CADM2: variants seen among roughly 807,000 people sequenced by gnomAD.
CADM2 encodes the protein immunoglobulin superfamily member 4D.
In CADM2, 12 loss-of-function variants were observed where a neutral mutation model predicts 49.8. The ratio of observed to expected loss-of-function variants is 0.24; its 90% CI spans 0.15 to 0.39. CADM2 has a LOEUF of 0.39. CADM2 is among the 10% of genes least tolerant of loss of function. The probability of loss-of-function intolerance (pLI) is 1.00; values close to 1 mark genes in which losing one functional copy is unlikely to be tolerated. For synonymous variants in CADM2, 214 were observed against 175.4 expected, an observed-to-expected ratio of 1.22 and a Z score of -1.74; for missense variants, 378 against 492.3, an observed-to-expected ratio of 0.77 and a Z score of 2.20.
intron 3 of CADM2, among the ~76,000 whole-genome samples, chr3:85,814,508 A>C (rs1577377857): frequency 6.6e-6 from 1 of 152,154 alleles, no homozygotes; most frequent in Non-Finnish European, 1.5e-5. Flanking sequence ...GAAGACAAAA[A>C]AGAACTAAGA....
At chr3:85,180,508 C>G (rs78779392) in intron 1 of CADM2, among the ~76,000 whole-genome samples, 858 of 36,694 alleles carry the variant, frequency 0.023, 12 homozygotes, top group African/African-American at 0.09. Context: ...GACCCTGTCT[C>G]AAAAAGAAAA....
chr3:85,425,057 G>A (rs538207232), intron 1 of CADM2, among the ~76,000 whole-genome samples: 2 of 152,162 alleles, frequency 1.3e-5, no homozygotes, highest in East Asian at 1.9e-4. Flanking sequence ...CTCCAAATAA[G>A]AGAAATACAT....
At chr3:85,860,850 G>A (rs1053980657) in intron 3 of CADM2, among the ~76,000 whole-genome samples, 3 of 152,094 alleles carry the variant, frequency 2.0e-5, no homozygotes, top group African/African-American at 7.2e-5. Context: ...TGAGAAAGCC[G>A]ATTTTGTGGA....
At chr3:85,380,457 T>C (rs2033839201) in intron 1 of CADM2, among the ~76,000 whole-genome samples, 1 of 152,000 alleles carries the variant, frequency 6.6e-6, no homozygotes, top group African/African-American at 2.4e-5. Flanking sequence ...ATACATATTA[T>C]ATGAAGCTAT....
intron 8 of CADM2, among the ~76,000 whole-genome samples, chr3:86,051,663 G>A (rs1354360871): frequency 6.6e-6 from 1 of 152,144 alleles, no homozygotes; most frequent in East Asian, 1.9e-4. Flanking sequence ...CTTCTGCAGG[G>A]GAGGAAGCCC....
intron 1 of CADM2, among the ~76,000 whole-genome samples, chr3:85,142,704 G>T (rs1002209570): frequency 2.0e-5 from 3 of 152,136 alleles, no homozygotes; most frequent in African/African-American, 7.2e-5. Flanking sequence ...GTAAAATGAA[G>T]AATCATAAGC....
At chr3:85,060,206 C>T (rs2036252251) in intron 1 of CADM2, among the ~76,000 whole-genome samples, 1 of 152,168 alleles carries the variant, frequency 6.6e-6, no homozygotes, top group African/African-American at 2.4e-5. Flanking sequence ...TTTTGGCTCA[C>T]TGCAACCTCT....
chr3:85,581,335 T>A (rs1440731870), intron 1 of CADM2, among the ~76,000 whole-genome samples: 2 of 151,578 alleles, frequency 1.3e-5, no homozygotes, highest in South Asian at 4.1e-4. Flanking sequence ...CATTGAGACC[T>A]ACGGGAATAA....
chr3:85,798,812 T>G (rs766662151), intron 2 of CADM2, among the ~76,000 whole-genome samples: 1 of 152,156 alleles, frequency 6.6e-6, no homozygotes, highest in Non-Finnish European at 1.5e-5. Flanking sequence ...GTGAAGCAAG[T>G]CAATGGTAGC....
intron 1 of CADM2, among the ~76,000 whole-genome samples, chr3:84,987,626 G>A (rs923065890): frequency 6.6e-6 from 1 of 152,092 alleles, no homozygotes; most frequent in African/African-American, 2.4e-5. Flanking sequence ...CCTTCAGTCA[G>A]TGGAGTGAAC....
At chr3:85,259,658 G>C (rs1260200743) in intron 1 of CADM2, among the ~76,000 whole-genome samples, 2 of 152,102 alleles carry the variant, frequency 1.3e-5, no homozygotes, top group African/African-American at 4.8e-5. Flanking sequence ...ATACTAGCAA[G>C]ATGAAGTGGA....
intron 1 of CADM2, among the ~76,000 whole-genome samples, chr3:84,971,982 T>G (rs2031479480): frequency 6.6e-6 from 1 of 152,040 alleles, no homozygotes; most frequent in Non-Finnish European, 1.5e-5. Context: ...TGCAGGTCTT[T>G]TATTTTGTAG....
chr3:85,321,199 G>T (rs1474031971), intron 1 of CADM2, among the ~76,000 whole-genome samples: 4 of 120,858 alleles, frequency 3.3e-5, no homozygotes, highest in Non-Finnish European at 6.5e-5. Context: ...GAGAGAGAGT[G>T]TCTTGCTCTG....
At chr3:85,961,999 T>C (rs1413082306) in intron 8 of CADM2, among the ~76,000 whole-genome samples, 3 of 151,874 alleles carry the variant, frequency 2.0e-5, no homozygotes, top group Admixed American at 1.3e-4. Flanking sequence ...TGCAGTGGCA[T>C]GATCTCAGCT....
At chr3:85,101,687 T>G (rs1233081566) in intron 1 of CADM2, among the ~76,000 whole-genome samples, 1 of 152,244 alleles carries the variant, frequency 6.6e-6, no homozygotes, top group Non-Finnish European at 1.5e-5. Context: ...TTAGAAGTAT[T>G]GTGTTTCTAA....
At chr3:85,026,751 T>C (rs2034745850) in intron 1 of CADM2, among the ~76,000 whole-genome samples, 1 of 152,228 alleles carries the variant, frequency 6.6e-6, no homozygotes, top group South Asian at 2.1e-4. Flanking sequence ...TTTCTCATTG[T>C]CAGAACTGCA....
chr3:85,018,864 C>A (rs1018555421), intron 1 of CADM2, among the ~76,000 whole-genome samples: 1 of 152,080 alleles, frequency 6.6e-6, no homozygotes, highest in East Asian at 1.9e-4. Flanking sequence ...CAATTAAGTT[C>A]ATTACTCATC....
At chr3:85,265,727 T>A (rs560992712) in intron 1 of CADM2, among the ~76,000 whole-genome samples, 1 of 152,158 alleles carries the variant, frequency 6.6e-6, no homozygotes, top group Admixed American at 6.6e-5. Context: ...TAGATTTTTT[T>A]CTAAAGAGAC....
At chr3:85,091,593 A>C (rs2037600358) in intron 1 of CADM2, among the ~76,000 whole-genome samples, 2 of 152,156 alleles carry the variant, frequency 1.3e-5, no homozygotes, top group Admixed American at 1.3e-4. Context: ...ATATGTGTAT[A>C]CTGAAAATAA....
Sources: gnomAD v4.1 joint callset for allele counts (sites outside exome capture counted in the v4.1 genomes callset) on GRCh38, gnomAD v4.1.1 for gene constraint, MANE v1.5 for transcripts, NCBI Gene and HGNC (gene_info 2026-07-23, HGNC 2026-07-21) for gene names.